COL4A1: variants seen among roughly 807,000 people sequenced by gnomAD.
The protein encoded by COL4A1 is collagen alpha-1(IV) chain.
Under a neutral mutation model 216.6 loss-of-function variants are expected in COL4A1, and 40 were observed. The ratio of observed to expected loss-of-function variants is 0.18; its 90% CI spans 0.14 to 0.24. COL4A1 has a LOEUF of 0.24. COL4A1 is among the 10% of genes least tolerant of loss of function. The pLI is 1.00. For synonymous variants in COL4A1, 839 were observed against 810.7 expected (o/e 1.03, Z -0.59); for missense variants, 1,628 against 2,196.8 (o/e 0.74, Z 5.18).
At chr13:110,174,598 T>A (rs1202287209) in intron 38 of COL4A1, 25 bp downstream of exon 38, 2 of 1,613,956 alleles carry the variant, frequency 1.2e-6, no homozygotes, top group African/African-American at 2.7e-5. Context: ...ATTCCCCAAG[T>A]CCAAGAGAAG....
chr13:110,221,300 T>C (rs974279839), intron 2 of COL4A1, among the ~76,000 whole-genome samples: 1 of 152,160 alleles, frequency 6.6e-6, no homozygotes, highest in East Asian at 1.9e-4. Context: ...TTCTGATCCA[T>C]GAAAATCCAC....
chr13:110,247,606 G>A (rs1395972642), intron 1 of COL4A1, among the ~76,000 whole-genome samples: 1 of 152,126 alleles, frequency 6.6e-6, no homozygotes, highest in African/African-American at 2.4e-5. Context: ...AGGAAGAGAA[G>A]TCAATGGTTT....
chr13:110,221,910 G>C (rs918068498), intron 2 of COL4A1, among the ~76,000 whole-genome samples: 1 of 152,190 alleles, frequency 6.6e-6, no homozygotes, highest in Non-Finnish European at 1.5e-5. Flanking sequence ...GTGTGCCTGC[G>C]CTCAGGCAGC....
At position 110,176,354 on chromosome 13, in the gene COL4A1, A is replaced by G. The variant is rs1450055805; in HGVS notation, c.3058+70T>C. 8 of 1,046,818 alleles carry G rather than the reference A, an allele frequency of 7.6e-6. No individual in the cohort carries two copies. The East Asian group carries it at 1.7e-4, about 22-fold the overall frequency. The allele number at this position is 1,046,818 out of a possible 1,614,324, so 64.8% of individuals were successfully genotyped here. A position where few individuals can be genotyped will look rare whatever the true frequency, so the allele number is the denominator to read the frequency against. ...GTCCGTCTCAGCTGAAGAGGATCTC[A>G]TTCTGCAGACATGCCCTACCAGTAT... On this transcript the variant is annotated intron_variant, in intron 36 of 51. Transcript: ENST00000375820.
At chr13:110,267,211 A>AG (rs1883073794) in intron 1 of COL4A1, among the ~76,000 whole-genome samples, 1 of 152,110 alleles carries the variant, frequency 6.6e-6, no homozygotes, top group South Asian at 2.1e-4. Flanking sequence ...CACACAGGCG[A>AG]GGGGAAGGAC....
chr13:110,174,899 A>G (rs1352736822), intron 37 of COL4A1, 150 bp from the exon 38 acceptor site: 2 of 933,920 alleles, frequency 2.1e-6, no homozygotes, highest in Non-Finnish European at 3.5e-6. Flanking sequence ...ATCAAAGTCC[A>G]CTTCTGAATG....
chr13:110,152,399 G>C lies in COL4A1; in HGVS notation c.4863C>G (p.Thr1621=). ...APFIECHGRG[T]CNYYANAYSF... ...TGTAAGCGTTTGCGTAGTAATTGCAGGTCCCACGGCCGTGACACTCGATGA... is the reference window on the plus strand; with the variant it reads ...TGTAAGCGTTTGCGTAGTAATTGCACGTCCCACGGCCGTGACACTCGATGA... Residue 1621 remains threonine, a synonymous_variant, in exon 51 of 52, where the codon ACC becomes ACG. Coordinates refer to ENST00000375820, the MANE Select transcript of COL4A1 (RefSeq NM_001845.6). The C allele has an allele frequency of 6.2e-7, 1 of 1,614,186 alleles. No homozygotes were observed. The highest frequency in any genetic ancestry group is 2.2e-5 in the East Asian group (1 of 44,874).
chr13:110,235,412 A>T (rs983894389), intron 2 of COL4A1, among the ~76,000 whole-genome samples: 1 of 152,216 alleles, frequency 6.6e-6, no homozygotes, highest in African/African-American at 2.4e-5. Context: ...GCACTTTGGG[A>T]GGCTGAGGCG....
intron 44 of COL4A1, 112 bp from the exon 45 acceptor site, chr13:110,166,415 A>G: frequency 1.3e-6 from 1 of 777,796 alleles, no homozygotes; most frequent in Non-Finnish European, 2.4e-6. Flanking sequence ...AAATGTATAG[A>G]TAAATGCATA....
rs1877964169 is a variant in COL4A1 at position 110,178,103 on chromosome 13, G to A, written c.2587C>T (p.Pro863Ser). 2 of 1,614,146 alleles carry A rather than the reference G, an allele frequency of 1.2e-6. No individual in the cohort carries two copies. The highest frequency in any genetic ancestry group is 1.7e-6 in the Non-Finnish European group (2 of 1,180,032). ...ITGQSGLPGL[P>S]GQQGAPGIPG... ...ATCCCAGGAGCCCCCTGCTGTCCAG[G>A]AAGGCCAGGGAGCCCCGACTGTCCC... The change falls in exon 32 of 52, where the codon CCT becomes TCT. Residue 863 changes from proline to serine, a missense_variant. This residue lies in a region of COL4A1 where 701 missense variants were observed against 892.5 expected (regional missense o/e 0.79). Coordinates refer to ENST00000375820, the MANE Select transcript of COL4A1 (RefSeq NM_001845.6).
At chr13:110,212,173 A>T (rs1041072251) in intron 6 of COL4A1, among the ~76,000 whole-genome samples, 1 of 152,250 alleles carries the variant, frequency 6.6e-6, no homozygotes, top group African/African-American at 2.4e-5. Context: ...ATAGGTAATA[A>T]CTTTCGTGCT....
chr13:110,253,763 CGTAT>C (rs569390750), intron 1 of COL4A1, among the ~76,000 whole-genome samples: 1 of 87,356 alleles, frequency 1.1e-5, no homozygotes, highest in Non-Finnish European at 2.8e-5. Context: ...TATAATTATA[CGTAT>C]GTATGTATTA....
intron 2 of COL4A1, among the ~76,000 whole-genome samples, chr13:110,219,682 A>ATATATATG (rs1555307866): frequency 4.5e-5 from 6 of 133,696 alleles, no homozygotes; most frequent in African/African-American, 1.2e-4. Context: ...ATATATGTGT[A>ATATATATG]TATATATGTA....
At chr13:110,249,496 C>A (rs1031013156) in intron 1 of COL4A1, among the ~76,000 whole-genome samples, 2 of 152,122 alleles carry the variant, frequency 1.3e-5, no homozygotes, top group Non-Finnish European at 2.9e-5. Context: ...CCGCAGCAAG[C>A]TGAAGCAGGC....
intron 2 of COL4A1, among the ~76,000 whole-genome samples, chr13:110,227,346 T>C (rs1880779164): frequency 6.6e-6 from 1 of 150,944 alleles, no homozygotes; most frequent in African/African-American, 2.4e-5. Context: ...TTTTTTAAGT[T>C]ACATCAATTG....
At chr13:110,208,794 C>A in intron 12 of COL4A1, 55 bp downstream of exon 12, 1 of 1,527,094 alleles carries the variant, frequency 6.5e-7, no homozygotes, top group South Asian at 1.1e-5. Context: ...TGGGAACTGT[C>A]AGGTGAGGAC....
chr13:110,209,789 C>A (rs1566376439), intron 10 of COL4A1, 191 bp downstream of exon 10: 1 of 795,274 alleles, frequency 1.3e-6, no homozygotes, highest in East Asian at 2.4e-5. Flanking sequence ...TCATCCCTTT[C>A]CCACAGCTCT....
chr13:110,160,967 C>T, intron 49 of COL4A1: 1 of 576,138 alleles, frequency 1.7e-6, no homozygotes, highest in South Asian at 2.0e-5. Context: ...CCTCGGCTTC[C>T]CAAAGTGTTG....
intron 2 of COL4A1, among the ~76,000 whole-genome samples, chr13:110,216,560 A>AT: frequency 6.6e-6 from 1 of 152,360 alleles, no homozygotes; most frequent in South Asian, 2.1e-4. Flanking sequence ...TATGGGCAGT[A>AT]TCGCCATGAG....
Sources: allele counts gnomAD v4.1 joint callset (sites outside exome capture counted in the v4.1 genomes callset), GRCh38; gene constraint gnomAD v4.1.1; regional missense constraint gnomAD v4.1.1; transcripts MANE v1.5; gene names NCBI Gene and HGNC (gene_info 2026-07-23, HGNC 2026-07-21).